PPP3CA: variants seen among roughly 807,000 people sequenced by gnomAD.
The protein encoded by PPP3CA is CAM-PRP catalytic subunit.
PPP3CA carries 14 observed loss-of-function variants against 66.5 expected under a neutral mutation model. That is an observed-to-expected ratio of 0.21 (90% confidence interval 0.14 to 0.33). PPP3CA has a LOEUF of 0.33. Ranked by LOEUF, PPP3CA falls within the 10% of genes least tolerant of loss-of-function variation. PPP3CA has a pLI of 1.00. For synonymous variants in PPP3CA, 232 were observed against 226.2 expected (o/e 1.03, Z -0.23); for missense variants, 317 against 639.5 (o/e 0.50, Z 5.44).
chr4:101,154,201 CA>C (rs1366558642), intron 2 of PPP3CA, among the ~76,000 whole-genome samples: 1 of 152,164 alleles, frequency 6.6e-6, no homozygotes, highest in African/African-American at 2.4e-5. Flanking sequence ...CAGAATGCTT[CA>C]AAAACTGTGA....
chr4:101,183,705 G>A (rs1224390321), intron 2 of PPP3CA, among the ~76,000 whole-genome samples: 1 of 152,084 alleles, frequency 6.6e-6, no homozygotes, highest in African/African-American at 2.4e-5. Flanking sequence ...TCACCATTAT[G>A]AACAATGCAT....
At chr4:101,128,404 T>C (rs1386259944) in intron 2 of PPP3CA, among the ~76,000 whole-genome samples, 1 of 152,100 alleles carries the variant, frequency 6.6e-6, no homozygotes, top group Non-Finnish European at 1.5e-5. Flanking sequence ...TGGACACAAT[T>C]ATCATTTGTC....
intron 1 of PPP3CA, among the ~76,000 whole-genome samples, chr4:101,273,296 C>CTT (rs879289931): frequency 1.6e-4 from 23 of 146,474 alleles, no homozygotes; most frequent in African/African-American, 5.0e-4. Context: ...ATTAAAATTA[C>CTT]TTTTTTTTTT....
chr4:101,101,484 A>C lies in PPP3CA; in HGVS notation c.385-1762T>G, dbSNP rs569798427. 7.0e-4 allele frequency among the ~76,000 whole-genome samples: 106 copies of C among 152,148 alleles called. 1 individual carries two copies. The highest frequency in any genetic ancestry group is 2.8e-4 in the Non-Finnish European group (19 of 68,014). On this transcript the variant is annotated intron_variant, in intron 3 of 13. Coordinates refer to ENST00000394854, the MANE Select transcript of PPP3CA (RefSeq NM_000944.5). ...TATGTATTTTTCCAAATTGGTCGTT[A>C]ATTTAGGATGTCTAGTTTGGAATAT...
At chr4:101,054,811 G>T (rs1364409495) in intron 10 of PPP3CA, among the ~76,000 whole-genome samples, 1 of 152,038 alleles carries the variant, frequency 6.6e-6, no homozygotes, top group Non-Finnish European at 1.5e-5. Flanking sequence ...ACTTGCTTAT[G>T]GTTAACATTA....
chr4:101,074,494 G>A (rs751578460), intron 8 of PPP3CA, among the ~76,000 whole-genome samples: 4 of 152,162 alleles, frequency 2.6e-5, no homozygotes, highest in Non-Finnish European at 5.9e-5. Context: ...GAGGGTTCCC[G>A]CCAGAAGTCA....
At chr4:101,108,897 T>G in intron 3 of PPP3CA, 57 bp downstream of exon 3, 1 of 1,539,884 alleles carries the variant, frequency 6.5e-7, no homozygotes, top group Non-Finnish European at 8.8e-7. Context: ...GCTTTTATTT[T>G]TTTGAGATAC....
At chr4:101,075,203 C>T (rs990418597) in intron 8 of PPP3CA, among the ~76,000 whole-genome samples, 4 of 152,152 alleles carry the variant, frequency 2.6e-5, no homozygotes, top group Admixed American at 2.6e-4. Context: ...ACAGCAAAAC[C>T]ACATCAGATG....
At chr4:101,156,860 T>G (rs770395355) in intron 2 of PPP3CA, among the ~76,000 whole-genome samples, 1 of 152,182 alleles carries the variant, frequency 6.6e-6, no homozygotes, top group Non-Finnish European at 1.5e-5. Context: ...AGTCACTACA[T>G]GTTTTTAAAC....
intron 2 of PPP3CA, among the ~76,000 whole-genome samples, chr4:101,161,815 C>T (rs1723518208): frequency 6.6e-6 from 1 of 152,110 alleles, no homozygotes; most frequent in African/African-American, 2.4e-5. Context: ...CCAGTGTCTA[C>T]ACTAGCATAC....
intron 2 of PPP3CA, among the ~76,000 whole-genome samples, chr4:101,120,826 T>A (rs751518190): frequency 6.6e-6 from 1 of 152,062 alleles, no homozygotes; most frequent in Non-Finnish European, 1.5e-5. Context: ...TGTCACAGTA[T>A]CTTAAACTGA....
intron 2 of PPP3CA, among the ~76,000 whole-genome samples, chr4:101,173,232 G>A (rs1723941509): frequency 6.6e-6 from 1 of 152,142 alleles, no homozygotes; most frequent in African/African-American, 2.4e-5. Context: ...TAAGTGAAAT[G>A]TCCTATAAGC....
chr4:101,264,963 T>G (rs1326933064), intron 1 of PPP3CA, among the ~76,000 whole-genome samples: 1 of 152,144 alleles, frequency 6.6e-6, no homozygotes, highest in Non-Finnish European at 1.5e-5. Flanking sequence ...GGCCAAACAA[T>G]TCTCTCTGAG....
At chr4:101,182,356 G>A (rs1404684854) in intron 2 of PPP3CA, among the ~76,000 whole-genome samples, 1 of 152,068 alleles carries the variant, frequency 6.6e-6, no homozygotes, top group Non-Finnish European at 1.5e-5. Context: ...AAATGCACTG[G>A]GAACTAGGGG....
chr4:101,257,673 C>T (rs1726888251), intron 1 of PPP3CA, among the ~76,000 whole-genome samples: 2 of 151,938 alleles, frequency 1.3e-5, no homozygotes, highest in Admixed American at 6.6e-5. Flanking sequence ...ACATACAGAA[C>T]ATTACACAGA....
intron 1 of PPP3CA, among the ~76,000 whole-genome samples, chr4:101,259,071 A>G (rs1041811194): frequency 2.0e-5 from 3 of 152,116 alleles, no homozygotes; most frequent in African/African-American, 7.2e-5. Flanking sequence ...TTCAGTTTAT[A>G]TTTAAATACT....
At chr4:101,063,617 T>C (rs1728562698) in intron 8 of PPP3CA, among the ~76,000 whole-genome samples, 1 of 151,976 alleles carries the variant, frequency 6.6e-6, no homozygotes, top group Non-Finnish European at 1.5e-5. Flanking sequence ...GTTAATCCAA[T>C]GTCTGTCAGG....
At chr4:101,093,953 T>C (rs1730076582) in intron 5 of PPP3CA, 38 bp from the exon 6 acceptor site, 1 of 1,541,744 alleles carries the variant, frequency 6.5e-7, no homozygotes, top group Non-Finnish European at 8.8e-7. Context: ...AATACTAATC[T>C]TTGGAAACTT....
At chr4:101,225,487 T>C (rs1725752716) in intron 1 of PPP3CA, among the ~76,000 whole-genome samples, 1 of 151,894 alleles carries the variant, frequency 6.6e-6, no homozygotes, top group Admixed American at 6.6e-5. Flanking sequence ...TTAAAATTCA[T>C]AGTTCAAATG....
Sources: allele counts gnomAD v4.1 joint callset (sites outside exome capture counted in the v4.1 genomes callset), GRCh38; gene constraint gnomAD v4.1.1; transcripts MANE v1.5; gene names NCBI Gene and HGNC (gene_info 2026-07-23, HGNC 2026-07-21).